DPY19L1: variants seen among roughly 807,000 people sequenced by gnomAD.
The protein encoded by DPY19L1 is dpy-19 like C-mannosyltransferase 1.
A neutral mutation model predicts 96.9 loss-of-function variants in DPY19L1; 35 were observed. That is an observed-to-expected ratio of 0.36 (90% CI 0.28 to 0.48). The LOEUF (loss-of-function observed/expected upper bound fraction) is 0.48, where lower values mean the gene tolerates loss of function less well. DPY19L1 is among the 20% of genes least tolerant of loss of function. The pLI, the probability that DPY19L1 is intolerant of heterozygous loss-of-function variation, is 0.99. For synonymous variants in DPY19L1, 205 were observed against 252.6 expected (o/e 0.81, Z 1.79); for missense variants, 521 against 777.9 (o/e 0.67, Z 3.93).
chr7:34,983,555 G>GGAGT (rs1784984574), intron 7 of DPY19L1, among the ~76,000 whole-genome samples: 1 of 150,586 alleles, frequency 6.6e-6, no homozygotes, highest in African/African-American at 2.4e-5. Flanking sequence ...AAGAAGAGAG[G>GGAGT]GAGGGAGGGA....
chr7:34,987,080 G>C (rs935918260), intron 7 of DPY19L1, among the ~76,000 whole-genome samples: 10 of 151,860 alleles, frequency 6.6e-5, no homozygotes, highest in African/African-American at 2.4e-4. Flanking sequence ...ACAGTATTCA[G>C]GTTTTTCTTA....
chr7:34,938,600 T>C (rs1308415803), intron 20 of DPY19L1, among the ~76,000 whole-genome samples: 2 of 152,210 alleles, frequency 1.3e-5, no homozygotes, highest in African/African-American at 4.8e-5. Flanking sequence ...GAAATTAGCT[T>C]GATGAGATTG....
At chr7:35,005,683 C>A (rs529878897) in intron 6 of DPY19L1, among the ~76,000 whole-genome samples, 2 of 147,826 alleles carry the variant, frequency 1.4e-5, no homozygotes, top group African/African-American at 2.5e-5. Flanking sequence ...TGTGGTGGTG[C>A]GCGCCTGTAA....
rs549604132 is a variant in DPY19L1 at position 34,973,669 on chromosome 7, T to C, written c.823-64A>G. ...TTTACTAAGACATTCCAAGTAAAAA[T>C]TGCTATTTATAAATAAAATTATTTT... On this transcript the variant is annotated intron_variant, in intron 7 of 21. Coordinates refer to ENST00000638088, the MANE Select transcript of DPY19L1 (RefSeq NM_001366673.1). 13 of 841,648 alleles carry C rather than the reference T, an allele frequency of 1.5e-5. No homozygotes were observed. The South Asian group carries it at 1.8e-4, about 11-fold the overall frequency. The allele number at this position is 841,648 out of a possible 1,614,324, so 52.1% of individuals were successfully genotyped here.
chr7:35,018,653 G>GA, intron 1 of DPY19L1, 57 bp from the exon 2 acceptor site: 3 of 1,460,940 alleles, frequency 2.1e-6, no homozygotes, highest in Non-Finnish European at 2.8e-6. Context: ...TCATCTTACA[G>GA]AAAAGCCATT....
intron 21 of DPY19L1, among the ~76,000 whole-genome samples, chr7:34,935,470 T>G (rs3906285): frequency 3.4e-4 from 52 of 152,352 alleles, no homozygotes; most frequent in Admixed American, 1.1e-3. Context: ...CATGCAAATA[T>G]ATTTGAGTGT....
At chr7:34,950,781 A>G (rs534554035) in intron 13 of DPY19L1, among the ~76,000 whole-genome samples, 10 of 152,306 alleles carry the variant, frequency 6.6e-5, no homozygotes, top group South Asian at 6.2e-4. Flanking sequence ...CTAAAATAGC[A>G]TAAGAAAACA....
At chr7:34,954,848 T>A (rs1422344527) in intron 12 of DPY19L1, 70 bp from the exon 13 acceptor site, 2 of 673,614 alleles carry the variant, frequency 3.0e-6, no homozygotes, top group African/African-American at 3.7e-5. Context: ...AAGAAAAAAA[T>A]AAATGCTTTA....
intron 8 of DPY19L1, among the ~76,000 whole-genome samples, chr7:34,970,152 C>A (rs1784694620): frequency 3.9e-5 from 6 of 152,242 alleles, no homozygotes; most frequent in Admixed American, 3.9e-4. Flanking sequence ...TGAGCCAACG[C>A]AAAGCCCCCA....
intron 19 of DPY19L1, 84 bp downstream of exon 19, chr7:34,940,069 G>T (rs1357106423): frequency 2.4e-6 from 3 of 1,236,066 alleles, no homozygotes; most frequent in East Asian, 5.2e-5. Flanking sequence ...AAGTAACTAG[G>T]GTTTAAGAGT....
At position 34,940,126 on chromosome 7, in the gene DPY19L1, C is replaced by CT. The variant is rs748459736; in HGVS notation, c.1864+26dup. On this transcript the variant is annotated intron_variant, in intron 19 of 21. Coordinates refer to ENST00000638088, the MANE Select transcript of DPY19L1 (RefSeq NM_001366673.1). Reference sequence around the variant, plus strand: ...TGGGAAAAACAGCTAAATAATATGACTTTTTTTTTCTTTTTTTTTTTTTTA... The same window carrying CT: ...TGGGAAAAACAGCTAAATAATATGACTTTTTTTTTTCTTTTTTTTTTTTTTA... 9.7e-5 allele frequency: 137 copies of CT among 1,417,332 alleles called. 1 individual carries two copies. Among genetic ancestry groups the CT allele is most frequent in the East Asian group, 4.8e-4 (18 of 37,708 alleles). 87.8% of individuals were successfully genotyped at this position (1,417,332 alleles called of 1,614,324 possible). A position where few individuals can be genotyped will look rare whatever the true frequency, so the allele number is the denominator to read the frequency against.
At chr7:34,992,584 T>G (rs328917) in intron 6 of DPY19L1, among the ~76,000 whole-genome samples, 7,153 of 148,714 alleles carry the variant, frequency 0.048, 382 homozygotes, top group African/African-American at 0.13. Flanking sequence ...TCTCACTCTG[T>G]CACCCAAGCT....
intron 7 of DPY19L1, among the ~76,000 whole-genome samples, chr7:34,978,547 T>C (rs1784875961): frequency 2.0e-5 from 3 of 152,084 alleles, no homozygotes; most frequent in Admixed American, 2.0e-4. Context: ...TATCTCTTGT[T>C]TGATGCTACT....
chr7:34,939,153 G>T, intron 20 of DPY19L1, 123 bp downstream of exon 20: 1 of 806,446 alleles, frequency 1.2e-6, no homozygotes, highest in South Asian at 2.2e-5. Context: ...TCTGCTCCCT[G>T]ACTCGATAAG....
At chr7:34,981,086 T>C (rs1244889272) in intron 7 of DPY19L1, among the ~76,000 whole-genome samples, 5 of 152,174 alleles carry the variant, frequency 3.3e-5, no homozygotes, top group African/African-American at 1.2e-4. Flanking sequence ...ATTGATCTAG[T>C]TCCTGGATAC....
At chr7:34,985,345 A>C (rs1418683011) in intron 7 of DPY19L1, among the ~76,000 whole-genome samples, 1 of 152,126 alleles carries the variant, frequency 6.6e-6, no homozygotes, top group Non-Finnish European at 1.5e-5. Context: ...TCAAACTAAA[A>C]TGCTTCTGCA....
Position 35,037,323 on chromosome 7 carries a change from C to T in DPY19L1, c.72G>A (p.Gln24=). 2.8e-6 allele frequency: 1 copy of T among 354,764 alleles called. No individual in the cohort carries two copies. The allele number at this position is 354,764 out of a possible 1,614,324, so 22.0% of individuals were successfully genotyped here. A position where few individuals can be genotyped will look rare whatever the true frequency, so the allele number is the denominator to read the frequency against. ...PKPPQPPRAS[Q]SPLRGASDVG... ...CGTCCGACGCCCCCCTCAGCGGCGACTGTGAGGCGCGGGGTGGCTGGGGCG... is the reference window on the plus strand; with the variant it reads ...CGTCCGACGCCCCCCTCAGCGGCGATTGTGAGGCGCGGGGTGGCTGGGGCG... Residue 24 remains glutamine, a synonymous_variant, in exon 1 of 22, where the codon CAG becomes CAA. Transcript: ENST00000638088.
intron 11 of DPY19L1, 112 bp from the exon 12 acceptor site, chr7:34,955,479 A>T (rs1427283631): frequency 7.2e-7 from 1 of 1,382,652 alleles, no homozygotes; most frequent in Non-Finnish European, 9.9e-7. Flanking sequence ...AATTTAGCAC[A>T]TGGTTGACTT....
At chr7:34,945,417 T>C (rs1232351459) in intron 16 of DPY19L1, among the ~76,000 whole-genome samples, 1 of 152,228 alleles carries the variant, frequency 6.6e-6, no homozygotes, top group Non-Finnish European at 1.5e-5. Context: ...AACTGTGTCC[T>C]TTGAGTGTAG....
Sources: allele counts gnomAD v4.1 joint callset (sites outside exome capture counted in the v4.1 genomes callset), GRCh38; gene constraint gnomAD v4.1.1; transcripts MANE v1.5; gene names NCBI Gene and HGNC (gene_info 2026-07-23, HGNC 2026-07-21).